The following PLIN2 variants were observed in gnomAD, a reference collection of about 807,000 sequenced individuals.
The protein encoded by PLIN2 is perilipin 2, also known as perilipin-2.
A neutral mutation model predicts 30.6 loss-of-function variants in PLIN2; 33 were observed. The observed-to-expected ratio is 1.08, with a 90% CI of 0.82 to 1.44. The LOEUF is 1.44. Ranked by LOEUF, PLIN2 falls within the 40% of genes most tolerant of loss-of-function variation. PLIN2 has a pLI of 0.00. For synonymous variants in PLIN2, 205 were observed against 201.1 expected, an observed-to-expected ratio of 1.02 and a Z score of -0.16; for missense variants, 610 against 531.8, an observed-to-expected ratio of 1.15 and a Z score of -1.45.
chr9:19,127,491 G>C lies in PLIN2; in HGVS notation c.-95C>G, dbSNP rs3808660. The C allele has an allele frequency of 0.54, 82,116 of 152,372 alleles. 23,411 individuals are homozygous for C. The highest frequency in any genetic ancestry group is 0.63 in the Non-Finnish European group (43,148 of 68,228). 9.4% of individuals were successfully genotyped at this position (152,372 alleles called of 1,614,324 possible). A position where few individuals can be genotyped will look rare whatever the true frequency, so the allele number is the denominator to read the frequency against. On this transcript the variant is annotated 5_prime_UTR_variant, in exon 1 of 8. Coordinates refer to ENST00000276914, the MANE Select transcript of PLIN2 (RefSeq NM_001122.4). The surrounding 1 kb of genome is among the most constrained non-coding windows in gnomAD (Gnocchi z 4.3). ...CTCCGGCTGCCACGACCCGGTCAAA[G>C]CGTGGGGCCCGCGGGCGCCCGGGCT...
At chr9:19,112,685 A>C (rs1249920594), downstream of PLIN2, among the ~76,000 whole-genome samples, 2 of 150,256 alleles carry the variant, frequency 1.3e-5, no homozygotes, top group Non-Finnish European at 3.0e-5. Context: ...TTGCCTGAGC[A>C]ACAGAGCAAG....
chr9:19,111,081 G>A (rs1019342508), downstream of PLIN2, among the ~76,000 whole-genome samples: 3 of 149,642 alleles, frequency 2.0e-5, no homozygotes, highest in African/African-American at 4.9e-5. Flanking sequence ...TTTTTGAGAC[G>A]GAGTCTCGCT....
rs1259687350 is a variant in PLIN2, at chr9:19,119,643, T to C, written c.777+7A>G. On this transcript the variant is annotated splice_region_variant and intron_variant, in intron 6 of 7. Coordinates refer to ENST00000276914, the MANE Select transcript of PLIN2 (RefSeq NM_001122.4). ...CTTCAGACACCTTAAAATAAAGTTT[T>C]ACTCACCAGGTGAACAGTAGAATGG... 2 of 1,531,990 alleles carry C rather than the reference T, an allele frequency of 1.3e-6. No homozygotes were observed. The highest frequency in any genetic ancestry group is 1.8e-6 in the Non-Finnish European group (2 of 1,131,034). The allele number at this position is 1,531,990 out of a possible 1,614,324, so 94.9% of individuals were successfully genotyped here.
intron 3 of PLIN2, among the ~76,000 whole-genome samples, chr9:19,124,561 A>T (rs1350202572): frequency 6.6e-6 from 1 of 152,204 alleles, no homozygotes; most frequent in Non-Finnish European, 1.5e-5. Context: ...AACCATTTGA[A>T]AGAATGATTT....
intron 4 of PLIN2, chr9:19,123,104 A>G (rs996579712): frequency 3.3e-5 from 15 of 454,320 alleles, no homozygotes; most frequent in Non-Finnish European, 5.9e-5. Context: ...AATTTGAAAC[A>G]AAATTTTAGG....
chr9:19,126,111 CACTT>C lies in PLIN2; in HGVS notation c.225_226+2del. ...ACTTGCATCTTGAAAAATCAGAACT[CACTT>C]TGCGGCTCTAGCTTCTGGATGATGG... On this transcript the variant is annotated splice_donor_variant and coding_sequence_variant, in exon 3 of 8. Coordinates refer to ENST00000276914, the MANE Select transcript of PLIN2 (RefSeq NM_001122.4). LOFTEE classifies it high-confidence loss of function. 1 of 1,612,596 alleles carries C rather than the reference CACTT, an allele frequency of 6.2e-7. No homozygotes were observed. Among genetic ancestry groups the C allele is most frequent in the East Asian group, 2.2e-5 (1 of 44,832 alleles).
chr9:19,117,853 G>A (rs528757022), intron 7 of PLIN2, among the ~76,000 whole-genome samples: 7 of 152,102 alleles, frequency 4.6e-5, no homozygotes, highest in East Asian at 1.9e-4. Context: ...TCCTGACCTC[G>A]TGATCTACCC....
At chr9:19,123,528 G>A (rs867059513) in intron 4 of PLIN2, 37 bp downstream of exon 4, 1 of 1,614,044 alleles carries the variant, frequency 6.2e-7, no homozygotes, top group Non-Finnish European at 8.5e-7. Flanking sequence ...GAAAACATGT[G>A]AAGTGTCAAG....
exon 3 of PLIN2, chr9:19,108,409 C>A (rs915486623): frequency 1.3e-5 from 2 of 152,084 alleles, no homozygotes; most frequent in African/African-American, 2.4e-5. Flanking sequence ...AGTATTTCAG[C>A]AATTAAACTT....
chr9:19,114,279 G>C (rs1212874657), downstream of PLIN2, among the ~76,000 whole-genome samples: 1 of 152,118 alleles, frequency 6.6e-6, no homozygotes, highest in African/African-American at 2.4e-5. Flanking sequence ...CCGCTTCCTT[G>C]TTTTCATGGA....
In PLIN2 at chr9:19,116,045, C is replaced by A. The variant is rs1336258034; in HGVS notation, c.*203G>T. 3 of 480,376 alleles carry A rather than the reference C, an allele frequency of 6.2e-6. No individual in the cohort carries two copies. The highest frequency in any genetic ancestry group is 7.2e-6 in the Non-Finnish European group (2 of 275,916). The allele number at this position is 480,376 out of a possible 1,614,324, so 29.8% of individuals were successfully genotyped here. On this transcript the variant is annotated 3_prime_UTR_variant, in exon 8 of 8. Transcript: ENST00000276914. ...TGGCTATAGGCTCTGACAAGCCTAT[C>A]ATTCTTTTCTTACCAGGTGAACAGA...
intron 4 of PLIN2, among the ~76,000 whole-genome samples, chr9:19,122,107 T>TC (rs1818327746): frequency 3.0e-5 from 1 of 33,706 alleles, no homozygotes; most frequent in Non-Finnish European, 4.7e-5. Flanking sequence ...AGACTCTGTC[T>TC]CAAAAAAAAA....
downstream of PLIN2, among the ~76,000 whole-genome samples, chr9:19,113,014 T>C (rs1238790061): frequency 1.3e-5 from 2 of 151,826 alleles, no homozygotes; most frequent in Admixed American, 1.3e-4. Flanking sequence ...ATAACTCTTA[T>C]AATAGGGAAA....
downstream of PLIN2, among the ~76,000 whole-genome samples, chr9:19,111,505 T>A (rs1472033218): frequency 6.6e-6 from 1 of 152,178 alleles, no homozygotes; most frequent in Non-Finnish European, 1.5e-5. Flanking sequence ...CAGCTTAGGA[T>A]GGTTGGTTAG....
chr9:19,126,389 A>G lies in PLIN2; in HGVS notation c.30+8T>C. The G allele has an allele frequency of 6.2e-7, 1 of 1,613,978 alleles. No individual in the cohort carries two copies. Among genetic ancestry groups the G allele is most frequent in the East Asian group, 2.2e-5 (1 of 44,880 alleles). On this transcript the variant is annotated splice_region_variant and intron_variant, in intron 2 of 7. Transcript: ENST00000276914. ...AGAAAGTAGACAAAGGCTACTCAAA[A>G]TTCATACCGGTTGTGGATCAACTGC...
At chr9:19,109,261 C>T (rs1464239410) in intron 2 of PLIN2, among the ~76,000 whole-genome samples, 1 of 151,974 alleles carries the variant, frequency 6.6e-6, no homozygotes, top group Admixed American at 6.6e-5. Context: ...CAGATTAAAA[C>T]AAGAAAATTA....
rs1183039522 is a variant in PLIN2 at position 19,121,001 on chromosome 9, G to A, written c.474C>T (p.Gly158=). Residue 158 remains glycine, a synonymous_variant, in exon 5 of 8, where the codon GGC becomes GGT. Transcript: ENST00000276914. ...GACTCCCCAAGACTGTGTTAATGCTGCCACTGACCACAGACTTGGTCTTCT... is the reference window on the plus strand; with the variant it reads ...GACTCCCCAAGACTGTGTTAATGCTACCACTGACCACAGACTTGGTCTTCT... ...SVEKTKSVVS[G]SINTVLGSRM... 1 of 1,614,142 alleles carries A rather than the reference G, an allele frequency of 6.2e-7. No homozygotes were observed. The highest frequency in any genetic ancestry group is 1.1e-5 in the South Asian group (1 of 91,082).
Position 19,116,445 on chromosome 9 carries a change from A to C in PLIN2, c.1117T>G (p.Ser373Ala). ...ATTTTCTGCAGCTGCCCCTTGCTAG[A>C]AGTGAGGAGGCTGTCAGACACTTCT... is the stretch of plus-strand genomic sequence containing the variant. ...FKEVSDSLLTSSKGQLQKMKE... is the reference protein window; with the variant it reads ...FKEVSDSLLTASKGQLQKMKE... The change falls in exon 8 of 8, where the codon TCT becomes GCT. Residue 373 changes from serine to alanine, a missense_variant. By Grantham distance (99) the Ser-to-Ala change is moderately conservative. Transcript: ENST00000276914. 3 of 1,614,158 alleles carry C rather than the reference A, an allele frequency of 1.9e-6. No homozygotes were observed. Among genetic ancestry groups the C allele is most frequent in the Non-Finnish European group, 2.5e-6 (3 of 1,180,024 alleles).
downstream of PLIN2, among the ~76,000 whole-genome samples, chr9:19,114,549 G>A (rs1029493697): frequency 1.3e-5 from 2 of 151,966 alleles, no homozygotes; most frequent in Admixed American, 6.6e-5. Context: ...GATTATAGGC[G>A]TGCACCACCA....
Sources: gnomAD v4.1 joint callset for allele counts (sites outside exome capture counted in the v4.1 genomes callset) on GRCh38, gnomAD v4.1.1 for gene constraint, Gnocchi (gnomAD v3.1) non-coding constraint, MANE v1.5 for transcripts, NCBI Gene and HGNC (gene_info 2026-07-23, HGNC 2026-07-21) for gene names.